The following NT5C2 variants were observed in gnomAD, a reference collection of about 807,000 sequenced individuals.
NT5C2 encodes the protein 5'-nucleotidase, cytosolic II.
NT5C2 carries 58 observed loss-of-function variants against 76.1 expected under a neutral mutation model. The observed-to-expected ratio is 0.76, with a 90% CI of 0.62 to 0.95. The LOEUF is 0.95. Among genes scored for constraint, NT5C2 ranks in the 40% least tolerant of loss-of-function variants. The probability of loss-of-function intolerance (pLI) is 0.00; values close to 1 mark genes in which losing one functional copy is unlikely to be tolerated. For synonymous variants in NT5C2, 229 were observed against 237.4 expected (o/e 0.96, Z 0.32); for missense variants, 478 against 690.3 (o/e 0.69, Z 3.45).
intron 1 of NT5C2, among the ~76,000 whole-genome samples, chr10:103,190,744 T>C (rs1049343405): frequency 5.9e-5 from 9 of 152,282 alleles, no homozygotes; most frequent in Admixed American, 2.6e-4. Context: ...ACTCAACATA[T>C]GCCTTGTGAT....
intron 4 of NT5C2, among the ~76,000 whole-genome samples, chr10:103,107,267 A>G (rs2071533943): frequency 6.6e-6 from 1 of 152,236 alleles, no homozygotes; most frequent in African/African-American, 2.4e-5. Context: ...TTTTCTTATC[A>G]GCTCTAACAA....
chr10:103,131,404 G>A (rs2078145454), intron 4 of NT5C2, among the ~76,000 whole-genome samples: 1 of 152,110 alleles, frequency 6.6e-6, no homozygotes, highest in African/African-American at 2.4e-5. Context: ...TCAATGTGAT[G>A]GTGTCAGGAA....
At chr10:103,111,994 G>A (rs2073159444) in intron 4 of NT5C2, among the ~76,000 whole-genome samples, 1 of 152,154 alleles carries the variant, frequency 6.6e-6, no homozygotes, top group African/African-American at 2.4e-5. Flanking sequence ...AACAAAACAA[G>A]GGTATTGAAG....
At chr10:103,168,079 T>C (rs1225450265) in intron 3 of NT5C2, among the ~76,000 whole-genome samples, 1 of 151,560 alleles carries the variant, frequency 6.6e-6, no homozygotes, top group Non-Finnish European at 1.5e-5. Context: ...AAGACTGATA[T>C]GGCTCTGGAA....
chr10:103,110,320 G>A (rs1382212876), intron 4 of NT5C2, among the ~76,000 whole-genome samples: 2 of 152,138 alleles, frequency 1.3e-5, no homozygotes, highest in East Asian at 1.9e-4. Context: ...GCTGGGCGTG[G>A]TGGCTCGCAC....
chr10:103,158,210 T>C (rs947239864), intron 3 of NT5C2, among the ~76,000 whole-genome samples: 3 of 151,922 alleles, frequency 2.0e-5, no homozygotes, highest in African/African-American at 7.3e-5. Context: ...AACAAAATCA[T>C]TGGGGTACAG....
chr10:103,154,475 T>C (rs2082972857), intron 3 of NT5C2, among the ~76,000 whole-genome samples: 1 of 152,132 alleles, frequency 6.6e-6, no homozygotes, highest in South Asian at 2.1e-4. Context: ...TCAGTTTATT[T>C]AGAAAAGCAG....
chr10:103,100,804 G>A (rs1422584712), intron 8 of NT5C2: 1 of 642,690 alleles, frequency 1.6e-6, no homozygotes, highest in South Asian at 1.5e-5. Flanking sequence ...TCATTCCCAG[G>A]AGAAGCCAAT....
intron 3 of NT5C2, among the ~76,000 whole-genome samples, chr10:103,151,049 T>C (rs191861889): frequency 5.1e-4 from 78 of 152,324 alleles, no homozygotes; most frequent in African/African-American, 1.7e-3. Context: ...TCACAAAGAT[T>C]ATATTCAGGT....
Position 103,095,968 on chromosome 10 carries a change from A to G in NT5C2, c.784T>C (p.Tyr262His). The G allele has an allele frequency of 6.2e-7, 1 of 1,613,720 alleles. No homozygotes were observed. Among genetic ancestry groups the G allele is most frequent in the Admixed American group, 1.7e-5 (1 of 60,020 alleles). ...DYKYTDKIMT[Y>H]LFDFPHGPKP... ...GGGCCATGTGGGAAGTCAAACAGGT[A>G]AGTCATAATTTTCTGGAAAAAAAAA... The change falls in exon 12 of 19, where the codon TAC (tyrosine) becomes CAC (histidine). Residue 262 changes from tyrosine to histidine, a missense_variant. Transcript: ENST00000404739.
intron 4 of NT5C2, among the ~76,000 whole-genome samples, chr10:103,108,411 C>T (rs2071985285): frequency 6.6e-6 from 1 of 152,142 alleles, no homozygotes; most frequent in Admixed American, 6.5e-5. Context: ...GCTTTTGGCG[C>T]AAACTGATTT....
At chr10:103,165,696 A>G (rs1038653309) in intron 3 of NT5C2, among the ~76,000 whole-genome samples, 1 of 145,306 alleles carries the variant, frequency 6.9e-6, no homozygotes, top group African/African-American at 2.5e-5. Context: ...TTTGAGACAG[A>G]GTTTCACTCT....
intron 4 of NT5C2, among the ~76,000 whole-genome samples, chr10:103,132,594 A>G (rs967928174): frequency 1.4e-4 from 21 of 152,062 alleles, no homozygotes; most frequent in African/African-American, 4.8e-4. Context: ...CCCAAGCTGG[A>G]GTGCACAGTG....
chr10:103,129,255 G>T (rs1413145022), intron 4 of NT5C2, among the ~76,000 whole-genome samples: 7 of 113,262 alleles, frequency 6.2e-5, no homozygotes, highest in East Asian at 3.3e-4. Flanking sequence ...GAGATGGGGG[G>T]GTCAGCCCCC....
At position 103,099,976 on chromosome 10, in the gene NT5C2, G is replaced by A. The variant is rs774448444; in HGVS notation, c.583C>T (p.Arg195Trp). Residue 195 changes from arginine to tryptophan, a missense_variant, in exon 9 of 19, where the codon CGG (arginine) becomes TGG (tryptophan). Arg to Trp is a moderately radical substitution (Grantham distance 101). Transcript: ENST00000404739. Reference protein sequence around the residue: ...FKDGDLFMSYRSMFQDVRDAV... With the variant: ...FKDGDLFMSYWSMFQDVRDAV... The stretch of plus-strand genomic sequence containing the variant: ...TCTCTTACATCCTGGAACATACTCC[G>A]GTAGGACATGAAGAGGTCCCCATCT... The A allele has an allele frequency of 8.7e-6, 14 of 1,612,592 alleles. No individual in the cohort carries two copies. Among genetic ancestry groups the A allele is most frequent in the Non-Finnish European group, 1.2e-5 (14 of 1,179,050 alleles).
chr10:103,105,116 A>G (rs2070878380), intron 6 of NT5C2, among the ~76,000 whole-genome samples: 1 of 152,234 alleles, frequency 6.6e-6, no homozygotes, highest in African/African-American at 2.4e-5. Context: ...AAAAGTTCAA[A>G]TTAGTGACAA....
intron 3 of NT5C2, among the ~76,000 whole-genome samples, chr10:103,142,499 C>T (rs1365168212): frequency 1.3e-5 from 2 of 151,684 alleles, no homozygotes; most frequent in South Asian, 2.1e-4. Context: ...GGCAAAACCC[C>T]GTCTCCACAA....
intron 6 of NT5C2, among the ~76,000 whole-genome samples, chr10:103,104,806 T>C (rs1428916530): frequency 2.6e-5 from 4 of 152,170 alleles, no homozygotes. Context: ...AAAAAAGACA[T>C]TGTCTTTTTA....
At chr10:103,191,208 T>G (rs567809435) in intron 1 of NT5C2, among the ~76,000 whole-genome samples, 13 of 151,888 alleles carry the variant, frequency 8.6e-5, no homozygotes, top group South Asian at 8.3e-4. Context: ...CCTGACCAAC[T>G]TGGAGAAACC....
Sources: allele counts gnomAD v4.1 joint callset (sites outside exome capture counted in the v4.1 genomes callset), GRCh38; gene constraint gnomAD v4.1.1; transcripts MANE v1.5; gene names NCBI Gene and HGNC (gene_info 2026-07-23, HGNC 2026-07-21).